Variants in STARD9 observed in about 807,000 individuals in gnomAD.
STARD9 encodes stAR-related lipid transfer protein 9.
In STARD9, 346 loss-of-function variants were observed where a neutral mutation model predicts 399.8. The ratio of observed to expected loss-of-function variants is 0.87; its 90% confidence interval spans 0.79 to 0.95. The LOEUF (loss-of-function observed/expected upper bound fraction) is 0.95, where lower values mean the gene tolerates loss of function less well. Among genes scored for constraint, STARD9 ranks in the 40% least tolerant of loss-of-function variants. The probability of loss-of-function intolerance (pLI) is 0.00; values close to 1 mark genes in which losing one functional copy is unlikely to be tolerated. For missense variants in STARD9, 5,832 were observed against 5,667.5 expected (o/e 1.03, Z -0.93); for synonymous variants, 2,203 against 2,143.5 (o/e 1.03, Z -0.77).
At chr15:42,705,178 T>C (rs1348314137) in intron 26 of STARD9, among the ~76,000 whole-genome samples, 2 of 152,228 alleles carry the variant, frequency 1.3e-5, no homozygotes, top group South Asian at 2.1e-4. Flanking sequence ...CCTTCTGCCA[T>C]GTGGGCGGTG....
At chr15:42,699,392 C>CTTTTCTTT (rs1359323091) in intron 26 of STARD9, among the ~76,000 whole-genome samples, 2 of 113,280 alleles carry the variant, frequency 1.8e-5, no homozygotes, top group African/African-American at 8.2e-5. Flanking sequence ...TTTTTCTTTT[C>CTTTTCTTT]TTTTTTTTTT....
chr15:42,581,643 C>A (rs369586684), intron 1 of STARD9, among the ~76,000 whole-genome samples: 1 of 150,970 alleles, frequency 6.6e-6, no homozygotes, highest in Admixed American at 6.6e-5. Context: ...TGCCGCCAGC[C>A]GATCCTCGGG....
chr15:42,577,059 G>A (rs1309237525), intron 1 of STARD9, among the ~76,000 whole-genome samples: 1 of 152,156 alleles, frequency 6.6e-6, no homozygotes, highest in Non-Finnish European at 1.5e-5. Context: ...TTCTGTATTT[G>A]TGAAACTGTT....
intron 9 of STARD9, among the ~76,000 whole-genome samples, chr15:42,657,063 A>T (rs1021038942): frequency 2.0e-5 from 3 of 152,276 alleles, no homozygotes; most frequent in Admixed American, 1.3e-4. Context: ...TCAGGCAAAA[A>T]ATAGGTTTTA....
intron 9 of STARD9, among the ~76,000 whole-genome samples, chr15:42,656,652 G>A (rs2059879279): frequency 6.6e-6 from 1 of 152,154 alleles, no homozygotes; most frequent in Non-Finnish European, 1.5e-5. Flanking sequence ...CCGTGAAAAG[G>A]CACCAAATAA....
At chr15:42,635,681 T>G (rs1566892078) in intron 4 of STARD9, among the ~76,000 whole-genome samples, 1 of 152,190 alleles carries the variant, frequency 6.6e-6, no homozygotes, top group Non-Finnish European at 1.5e-5. Flanking sequence ...CAGCTCCCTT[T>G]GACAAAGCAG....
At chr15:42,655,988 T>C (rs2142007034) in intron 9 of STARD9, among the ~76,000 whole-genome samples, 1 of 152,214 alleles carries the variant, frequency 6.6e-6, no homozygotes, top group East Asian at 1.9e-4. Flanking sequence ...TCAACATCAC[T>C]GATTATCAGG....
At chr15:42,619,083 T>C (rs1441647967) in intron 3 of STARD9, among the ~76,000 whole-genome samples, 1 of 152,192 alleles carries the variant, frequency 6.6e-6, no homozygotes, top group Admixed American at 6.5e-5. Context: ...CCTAATTTTG[T>C]TGAATTTTTA....
rs539669851 is a variant in STARD9, at chr15:42,683,053, T to C, written c.2537+478T>C. On this transcript the variant is annotated intron_variant, in intron 22 of 32. Coordinates refer to ENST00000290607, the MANE Select transcript of STARD9 (RefSeq NM_020759.3). ...ATCTTTTTGACTCCCAGGTTCAAGT[T>C]GGGACCTTCCTTGTTTCTTTTCTCC... 3.7e-4 allele frequency among the ~76,000 whole-genome samples: 57 copies of C among 152,362 alleles called. 1 individual carries two copies. The highest frequency in any genetic ancestry group is 1.3e-3 in the African/African-American group (53 of 41,590).
chr15:42,692,705 C>T lies in STARD9; in HGVS notation c.11127C>T (p.Asn3709=). Residue 3709 remains asparagine (N), a synonymous_variant, in exon 23 of 33, where the codon AAC becomes AAT. Transcript: ENST00000290607. ...CAGATGTGGCCAGAAGGGAGCAGAA[C>T]ACCAAGAGGGACATCCCAGATAAAG... The part of the protein sequence containing the change: ...SQPDVARREQ[N]TKRDIPDKAP... The T allele has an allele frequency of 6.5e-7, 1 of 1,537,154 alleles. No homozygotes were observed.
Position 42,682,498 on chromosome 15 carries a change from A to G in STARD9, c.2460A>G (p.Pro820=). ...CTGATGCCACAGTCCCACGGCCTCC[A>G]TGTAGAAGCAAATTGACGAGTTGCA... The part of the protein sequence containing the change: ...LSPDATVPRP[P]CRSKLTSCSS... The change falls in exon 22 of 33, where the codon CCA becomes CCG. Residue 820 remains proline, a synonymous_variant. Transcript: ENST00000290607. 6.5e-7 allele frequency: 1 copy of G among 1,537,204 alleles called. No homozygotes were observed. Among genetic ancestry groups the G allele is most frequent in the Non-Finnish European group, 8.7e-7 (1 of 1,146,888 alleles).
At chr15:42,645,705 T>C (rs954439374) in intron 7 of STARD9, among the ~76,000 whole-genome samples, 3 of 152,018 alleles carry the variant, frequency 2.0e-5, no homozygotes, top group African/African-American at 7.2e-5. Flanking sequence ...CATACCTGGC[T>C]AATTTTTTGT....
intron 3 of STARD9, among the ~76,000 whole-genome samples, chr15:42,592,260 T>A (rs891748158): frequency 1.3e-5 from 2 of 152,134 alleles, no homozygotes; most frequent in Admixed American, 1.3e-4. Context: ...AAAGTTCATA[T>A]TCAACACTAT....
intron 9 of STARD9, among the ~76,000 whole-genome samples, chr15:42,657,919 T>C (rs1175591252): frequency 6.6e-6 from 1 of 152,216 alleles, no homozygotes; most frequent in Admixed American, 6.5e-5. Context: ...GATGTCTATA[T>C]GAAAAAAAGA....
chr15:42,578,362 A>G (rs2058099512), intron 1 of STARD9, among the ~76,000 whole-genome samples: 1 of 152,082 alleles, frequency 6.6e-6, no homozygotes. Context: ...ATGGCCTCCC[A>G]AAGTGCTGAG....
At chr15:42,716,391 C>G (rs1349073570) in intron 26 of STARD9, among the ~76,000 whole-genome samples, 1 of 152,192 alleles carries the variant, frequency 6.6e-6, no homozygotes. Flanking sequence ...AGCTTGGAAG[C>G]TGGCAGAGCA....
chr15:42,625,189 G>A (rs62019326), intron 3 of STARD9, among the ~76,000 whole-genome samples: 10,056 of 151,880 alleles, frequency 0.066, 438 homozygotes, highest in Middle Eastern at 0.12. Context: ...ACCACACCCG[G>A]CTAATTTTTG....
intron 3 of STARD9, among the ~76,000 whole-genome samples, chr15:42,619,112 T>C (rs2059032763): frequency 6.6e-6 from 1 of 152,164 alleles, no homozygotes; most frequent in Admixed American, 6.6e-5. Context: ...AATTTACATA[T>C]GGTAAAGTTT....
Position 42,695,263 on chromosome 15 carries a change from G to A in STARD9, c.13086G>A (p.Arg4362=). ...VEIARARDQL[R]ERTEQEKLRI... is the part of the protein sequence containing the mutation. ...TTGCCCGGGCCCGAGACCAACTGCGGGAGCGGACTGAACAAGAGAAGCTGA... is the reference window on the plus strand; with the variant it reads ...TTGCCCGGGCCCGAGACCAACTGCGAGAGCGGACTGAACAAGAGAAGCTGA... The change falls in exon 25 of 33, where the codon CGG becomes CGA. Residue 4362 remains arginine (R), a synonymous_variant. Transcript: ENST00000290607. 1 of 1,537,164 alleles carries A rather than the reference G, an allele frequency of 6.5e-7. No homozygotes were observed. The highest frequency in any genetic ancestry group is 2.4e-5 in the East Asian group (1 of 40,912).
Sources: allele counts gnomAD v4.1 joint callset (sites outside exome capture counted in the v4.1 genomes callset), GRCh38; gene constraint gnomAD v4.1.1; transcripts MANE v1.5; gene names NCBI Gene and HGNC (gene_info 2026-07-23, HGNC 2026-07-21).